The following WDR48 variants were observed in gnomAD, a reference collection of about 807,000 sequenced individuals.
The protein encoded by WDR48 is WD repeat-containing protein 48.
WDR48 carries 22 observed loss-of-function variants against 94.0 expected under a neutral mutation model. That is an observed-to-expected ratio of 0.23 (90% CI 0.17 to 0.33). WDR48 has a LOEUF of 0.33. Among genes scored for constraint, WDR48 ranks in the 10% least tolerant of loss-of-function variants. WDR48 has a pLI of 1.00. For synonymous variants in WDR48, 278 were observed against 280.5 expected (o/e 0.99, Z 0.09); for missense variants, 541 against 813.8 (o/e 0.66, Z 4.08).
In WDR48 at chr3:39,079,494, C is replaced by G. The variant is rs182862504; in HGVS notation, c.1076-217C>G. ...TTAATCCATAATGTATTATTAAAAT[C>G]AGATAGTTTTTCTTTGAATGTTTAT... is the stretch of plus-strand genomic sequence containing the variant. On this transcript the variant is annotated intron_variant, in intron 10 of 18. Transcript: ENST00000302313. Among the ~76,000 whole-genome samples, 75 of 152,260 alleles carry G rather than the reference C, an allele frequency of 4.9e-4. 1 individual carries two copies. The East Asian group carries it at 0.014, about 27-fold the overall frequency.
At chr3:39,078,076 A>T in intron 9 of WDR48, 61 bp from the exon 10 acceptor site, 1 of 1,308,864 alleles carries the variant, frequency 7.6e-7, no homozygotes, top group Non-Finnish European at 1.1e-6. Flanking sequence ...TTGCCACTTT[A>T]AACAGGCTGG....
intron 7 of WDR48, among the ~76,000 whole-genome samples, chr3:39,072,493 G>GATTGT (rs2033995638): frequency 6.6e-6 from 1 of 152,188 alleles, no homozygotes; most frequent in Non-Finnish European, 1.5e-5. Flanking sequence ...TGGCACTTGA[G>GATTGT]ATTGTGTGTT....
At chr3:39,084,285 T>C (rs1271305823) in intron 12 of WDR48, 23 bp downstream of exon 12, 3 of 1,507,458 alleles carry the variant, frequency 2.0e-6, no homozygotes, top group Non-Finnish European at 9.2e-7. Context: ...TTGATACTTG[T>C]ATGATTTGGG....
At position 39,066,007 on chromosome 3, in the gene WDR48, A is replaced by G. The variant is rs1455090603; in HGVS notation, c.268+118A>G. The G allele has an allele frequency of 3.2e-5, 21 of 651,628 alleles. No individual in the cohort carries two copies. In the Admixed American group the frequency reaches 4.2e-4, roughly 13 times the overall value. 40.4% of individuals were successfully genotyped at this position (651,628 alleles called of 1,614,324 possible). A position where few individuals can be genotyped will look rare whatever the true frequency, so the allele number is the denominator to read the frequency against. The stretch of plus-strand genomic sequence containing the variant: ...ACACACTTCGAGATTGCAGTTCAAC[A>G]CAATTTTAGAAAGTGAATACCCAAA... On this transcript the variant is annotated intron_variant, in intron 3 of 18. Coordinates refer to ENST00000302313, the MANE Select transcript of WDR48 (RefSeq NM_020839.4).
intron 8 of WDR48, 73 bp downstream of exon 8, chr3:39,075,023 A>C: frequency 2.1e-6 from 3 of 1,424,354 alleles, no homozygotes; most frequent in Non-Finnish European, 2.9e-6. Flanking sequence ...AGCAAAAGCT[A>C]TATTAAAACA....
intron 1 of WDR48, among the ~76,000 whole-genome samples, chr3:39,058,269 A>T (rs1440988230): frequency 6.6e-6 from 1 of 152,214 alleles, no homozygotes; most frequent in Admixed American, 6.5e-5. Context: ...GGCCTACATC[A>T]ACATTTTAAG....
intron 14 of WDR48, 152 bp downstream of exon 14, chr3:39,085,762 C>A (rs988443905): frequency 1.2e-5 from 8 of 657,938 alleles, no homozygotes; most frequent in Non-Finnish European, 2.0e-5. Context: ...GTAGGAACAT[C>A]CATCCAGTCT....
intron 1 of WDR48, among the ~76,000 whole-genome samples, chr3:39,056,432 G>A (rs771356737): frequency 2.0e-5 from 3 of 152,128 alleles, no homozygotes; most frequent in Non-Finnish European, 2.9e-5. Flanking sequence ...CTTAAGTGCC[G>A]CAAATTTCTA....
At position 39,084,277 on chromosome 3, in the gene WDR48, G is replaced by A. The variant is rs1335786628; in HGVS notation, c.1281+15G>A. Reference sequence around the variant, plus strand: ...TAAAAACAGGGGTAAGTTAGCAATTGATACTTGTATGATTTGGGATAATTG... The same window carrying A: ...TAAAAACAGGGGTAAGTTAGCAATTAATACTTGTATGATTTGGGATAATTG... On this transcript the variant is annotated intron_variant, in intron 12 of 18. Coordinates refer to ENST00000302313, the MANE Select transcript of WDR48 (RefSeq NM_020839.4). 5.2e-6 allele frequency: 8 copies of A among 1,530,274 alleles called. No individual in the cohort carries two copies. The highest frequency in any genetic ancestry group is 1.4e-5 in the African/African-American group (1 of 73,258). The allele number at this position is 1,530,274 out of a possible 1,614,324, so 94.8% of individuals were successfully genotyped here.
At chr3:39,093,852 A>C in intron 17 of WDR48, 22 bp from the exon 18 acceptor site, 1 of 1,517,444 alleles carries the variant, frequency 6.6e-7, no homozygotes, top group African/African-American at 1.4e-5. Context: ...TGATGTCACA[A>C]TATGCCATTG....
intron 1 of WDR48, among the ~76,000 whole-genome samples, chr3:39,058,654 A>G (rs1198878742): frequency 6.6e-6 from 1 of 152,230 alleles, no homozygotes; most frequent in African/African-American, 2.4e-5. Flanking sequence ...TGGAAAGCCA[A>G]TTCATGCAAT....
At chr3:39,088,467 G>C (rs990480750) in intron 15 of WDR48, among the ~76,000 whole-genome samples, 2 of 152,176 alleles carry the variant, frequency 1.3e-5, no homozygotes, top group Non-Finnish European at 2.9e-5. Flanking sequence ...ACTTTGCCTC[G>C]AAGCAGCTTC....
intron 11 of WDR48, among the ~76,000 whole-genome samples, 173 bp from the exon 12 acceptor site, chr3:39,083,982 T>A (rs1003217787): frequency 3.3e-5 from 5 of 152,218 alleles, no homozygotes. Context: ...TTAATTTAAA[T>A]TTTTTATAGC....
chr3:39,091,531 AATT>A (rs2035072494), intron 16 of WDR48, 91 bp from the exon 17 acceptor site: 1 of 920,042 alleles, frequency 1.1e-6, no homozygotes, highest in Non-Finnish European at 1.6e-6. Flanking sequence ...ATTGTAAGAT[AATT>A]ATTACTTGCA....
At position 39,079,713 on chromosome 3, in the gene WDR48, G is replaced by T; in HGVS notation, c.1078G>T (p.Gly360Cys). 12 of 1,537,596 alleles carry T rather than the reference G, an allele frequency of 7.8e-6. No individual in the cohort carries two copies. Among genetic ancestry groups the T allele is most frequent in the Non-Finnish European group, 1.0e-5 (12 of 1,150,808 alleles). The part of the protein sequence containing the change: ...CTQPDQVIKG[G>C]ASIIQCHILN... Reference sequence around the variant, plus strand: ...ATTGTGTTTTTTTTTCCCATTAGGGGGTGCTAGTATTATTCAGTGCCACAT... The same window carrying T: ...ATTGTGTTTTTTTTTCCCATTAGGGTGTGCTAGTATTATTCAGTGCCACAT... The change falls in exon 11 of 19, where the codon GGT becomes TGT. Residue 360 changes from glycine (G) to cysteine (C), a missense_variant and splice_region_variant. Gly to Cys is a radical substitution (Grantham distance 159). Coordinates refer to ENST00000302313, the MANE Select transcript of WDR48 (RefSeq NM_020839.4).
At position 39,079,739 on chromosome 3, in the gene WDR48, T is replaced by A. The variant is rs1373962817; in HGVS notation, c.1104T>A (p.Ile368=). ...KGGASIIQCH[I]LNDKRHILTK... is the part of the protein sequence containing the mutation. ...GTGCTAGTATTATTCAGTGCCACAT[T>A]CTTAATGATAAGAGACATATATTAA... The change falls in exon 11 of 19, where the codon ATT becomes ATA. Residue 368 remains isoleucine, a synonymous_variant. Coordinates refer to ENST00000302313, the MANE Select transcript of WDR48 (RefSeq NM_020839.4). The A allele has an allele frequency of 6.4e-7, 1 of 1,564,596 alleles. No individual in the cohort carries two copies.
chr3:39,052,669 C>T (rs1490397722), intron 1 of WDR48: 2 of 152,682 alleles, frequency 1.3e-5, no homozygotes, highest in Non-Finnish European at 2.9e-5. Context: ...TATTTAAGTT[C>T]CTCTTCACCA....
chr3:39,094,567 C>G, intron 18 of WDR48, 81 bp from the exon 19 acceptor site: 1 of 1,577,434 alleles, frequency 6.3e-7, no homozygotes, highest in South Asian at 1.1e-5. Context: ...GCTGGATCAC[C>G]TGATGAGAGT....
intron 7 of WDR48, among the ~76,000 whole-genome samples, chr3:39,073,437 T>G (rs1402865370): frequency 6.6e-6 from 1 of 152,092 alleles, no homozygotes; most frequent in African/African-American, 2.4e-5. Context: ...GGCCAGTAAA[T>G]TTTTATTCCT....
Sources: gnomAD v4.1 joint callset for allele counts (sites outside exome capture counted in the v4.1 genomes callset) on GRCh38, gnomAD v4.1.1 for gene constraint, MANE v1.5 for transcripts, NCBI Gene and HGNC (gene_info 2026-07-23, HGNC 2026-07-21) for gene names.